AGAP1: variants seen among roughly 807,000 people sequenced by gnomAD.
The protein encoded by AGAP1 is ArfGAP with GTPase domain, ankyrin repeat and PH domain 1.
Under a neutral mutation model 105.3 loss-of-function variants are expected in AGAP1, and 29 were observed. That is an observed-to-expected ratio of 0.28 (90% CI 0.21 to 0.38). The LOEUF (loss-of-function observed/expected upper bound fraction) is 0.38, where lower values mean the gene tolerates loss of function less well. Ranked by LOEUF, AGAP1 falls within the 10% of genes least tolerant of loss-of-function variation. The pLI is 1.00. For synonymous variants in AGAP1, 509 were observed against 485.9 expected (o/e 1.05, Z -0.63); for missense variants, 998 against 1,165.1 (o/e 0.86, Z 2.09).
intron 9 of AGAP1, among the ~76,000 whole-genome samples, chr2:235,878,878 G>T (rs868255625): frequency 1.3e-5 from 2 of 152,236 alleles, no homozygotes; most frequent in African/African-American, 4.8e-5. Flanking sequence ...AGGGACTCAG[G>T]TGACAGAGGT....
intron 1 of AGAP1, among the ~76,000 whole-genome samples, chr2:235,693,117 G>T (rs927850272): frequency 1.3e-5 from 2 of 152,194 alleles, no homozygotes; most frequent in Non-Finnish European, 1.5e-5. Context: ...TTGGGAAGGA[G>T]GCTCTGGAAG....
At position 236,014,197 on chromosome 2, in the gene AGAP1, C is replaced by G. The variant is rs1461585214; in HGVS notation, c.1646-22364C>G. On this transcript the variant is annotated intron_variant, in intron 13 of 17. Coordinates refer to ENST00000304032, the MANE Select transcript of AGAP1 (RefSeq NM_001037131.3). This position sits in a 1 kb window ranked among gnomAD's most constrained non-coding sequence, Gnocchi z 6.3. ...AGCTCCATTTAGAGCCGTAACTCCC[C>G]CGAGTGTCAAAGAGAATAGACTCCT... 1.3e-5 allele frequency among the ~76,000 whole-genome samples: 2 copies of G among 152,152 alleles called. No homozygotes were observed. Among genetic ancestry groups the G allele is most frequent in the African/African-American group, 4.8e-5 (2 of 41,454 alleles).
At chr2:235,941,746 A>T (rs1334128219) in intron 12 of AGAP1, among the ~76,000 whole-genome samples, 1 of 152,160 alleles carries the variant, frequency 6.6e-6, no homozygotes, top group African/African-American at 2.4e-5. Flanking sequence ...TGGACACATC[A>T]GTTGATCCAA....
At chr2:235,652,961 C>A (rs956438863) in intron 1 of AGAP1, among the ~76,000 whole-genome samples, 3 of 152,004 alleles carry the variant, frequency 2.0e-5, no homozygotes, top group African/African-American at 7.2e-5. Flanking sequence ...GGGACAGAGC[C>A]AGACTCTGTC....
chr2:235,576,473 T>C (rs566971587), intron 1 of AGAP1, among the ~76,000 whole-genome samples: 1 of 152,338 alleles, frequency 6.6e-6, no homozygotes, highest in East Asian at 1.9e-4. Flanking sequence ...CAGGTGGTGC[T>C]TGGGGAATAT....
intron 9 of AGAP1, among the ~76,000 whole-genome samples, chr2:235,835,111 C>T (rs113501734): frequency 1.8e-4 from 27 of 152,322 alleles, no homozygotes; most frequent in African/African-American, 6.3e-4. Context: ...ACAGTAGCCT[C>T]ACTGGATGGA....
intron 1 of AGAP1, among the ~76,000 whole-genome samples, chr2:235,583,113 C>T (rs1944987942): frequency 6.6e-6 from 1 of 152,196 alleles, no homozygotes; most frequent in Non-Finnish European, 1.5e-5. Flanking sequence ...GGCTCTGGGG[C>T]ACCTCCAAGT....
chr2:235,547,201 G>A (rs952080902), intron 1 of AGAP1, among the ~76,000 whole-genome samples: 9 of 152,142 alleles, frequency 5.9e-5, no homozygotes, highest in Non-Finnish European at 1.2e-4. Flanking sequence ...TGGCCTAGCT[G>A]CTTGAGGCCC....
chr2:235,679,382 T>G (rs1367938009), intron 1 of AGAP1, among the ~76,000 whole-genome samples: 1 of 152,214 alleles, frequency 6.6e-6, no homozygotes, highest in Non-Finnish European at 1.5e-5. Context: ...TTTGCCCAGG[T>G]GGATTTCTTA....
intron 12 of AGAP1, among the ~76,000 whole-genome samples, chr2:235,949,917 A>G (rs1043818390): frequency 3.3e-5 from 5 of 152,244 alleles, no homozygotes; most frequent in Admixed American, 2.0e-4. Flanking sequence ...TCATGGATCT[A>G]GAACTAGAAA....
At chr2:235,680,719 C>T (rs2149396143) in intron 1 of AGAP1, among the ~76,000 whole-genome samples, 1 of 152,214 alleles carries the variant, frequency 6.6e-6, no homozygotes, top group Non-Finnish European at 1.5e-5. Flanking sequence ...CCTGCCTGAG[C>T]TTCTCCTTGT....
At position 235,931,592 on chromosome 2, in the gene AGAP1, C is replaced by T. The variant is rs550917112; in HGVS notation, c.1483+669C>T. The stretch of plus-strand genomic sequence containing the variant: ...AGGGTTTGCCTGTGGCGTTTTGTCT[C>T]TGGCCTGTTCACCGGTATTTAAAGG... On this transcript the variant is annotated intron_variant, in intron 12 of 17. Coordinates refer to ENST00000304032, the MANE Select transcript of AGAP1 (RefSeq NM_001037131.3). The surrounding 1 kb of genome is among the most constrained non-coding windows in gnomAD (Gnocchi z 5.6). Among the ~76,000 whole-genome samples, 1 of 152,146 alleles carries T rather than the reference C, an allele frequency of 6.6e-6. No homozygotes were observed. Among genetic ancestry groups the T allele is most frequent in the Non-Finnish European group, 1.5e-5 (1 of 68,008 alleles).
chr2:236,099,777 C>T (rs541810560), intron 16 of AGAP1, among the ~76,000 whole-genome samples: 15 of 152,274 alleles, frequency 9.9e-5, no homozygotes, highest in African/African-American at 3.1e-4. Context: ...CAGTGGCTCA[C>T]ACCTGTAAGC....
At chr2:236,018,216 G>A (rs1175277412) in intron 13 of AGAP1, among the ~76,000 whole-genome samples, 1 of 152,166 alleles carries the variant, frequency 6.6e-6, no homozygotes, top group Non-Finnish European at 1.5e-5. Context: ...AACATCTCAG[G>A]AACCTGTGAA....
In AGAP1 at chr2:235,674,433, G is replaced by A. The variant is rs34309430; in HGVS notation, c.164-34746G>A. On this transcript the variant is annotated intron_variant, in intron 1 of 17. Coordinates refer to ENST00000304032, the MANE Select transcript of AGAP1 (RefSeq NM_001037131.3). The stretch of plus-strand genomic sequence containing the variant: ...CATCCCAGTGGATGCCGTCTGGGCC[G>A]GCCCTGGAACCAGCTGTGCTGTGAG... 5.5e-3 allele frequency among the ~76,000 whole-genome samples: 835 copies of A among 152,324 alleles called. 5 individuals are homozygous for A. The highest frequency in any genetic ancestry group is 0.027 in the Middle Eastern group (8 of 294).
rs903491452 is a variant in AGAP1 at position 235,692,878 on chromosome 2, G to A, written c.164-16301G>A. On this transcript the variant is annotated intron_variant, in intron 1 of 17. Transcript: ENST00000304032. The surrounding 1 kb of genome is among the most constrained non-coding windows in gnomAD (Gnocchi z 5.8). Reference sequence around the variant, plus strand: ...CCTTGATGTGGCACTGCCTGGCTCCGGAGATAGCGAGGGAGGGAGGGAGGC... The same window carrying A: ...CCTTGATGTGGCACTGCCTGGCTCCAGAGATAGCGAGGGAGGGAGGGAGGC... Among the ~76,000 whole-genome samples the A allele has an allele frequency of 2.6e-5, 4 of 152,260 alleles. No homozygotes were observed. Among genetic ancestry groups the A allele is most frequent in the South Asian group, 4.1e-4 (2 of 4,824 alleles).
At chr2:236,039,080 G>A (rs183557500) in intron 14 of AGAP1, among the ~76,000 whole-genome samples, 21 of 152,204 alleles carry the variant, frequency 1.4e-4, no homozygotes, top group African/African-American at 4.1e-4. Flanking sequence ...TATTGTAACT[G>A]TCCTCTGAAA....
rs1399017542 is a variant in AGAP1 at position 235,611,291 on chromosome 2, T to C, written c.164-97888T>C. On this transcript the variant is annotated intron_variant, in intron 1 of 17. Transcript: ENST00000304032. The surrounding 1 kb of genome is among the most constrained non-coding windows in gnomAD (Gnocchi z 5.0). Reference sequence around the variant, plus strand: ...GCCCACACAACACTTTCGTTGGAGATGAAGAGTCTCCCTTTCAGACTGCAA... The same window carrying C: ...GCCCACACAACACTTTCGTTGGAGACGAAGAGTCTCCCTTTCAGACTGCAA... 4.6e-5 allele frequency among the ~76,000 whole-genome samples: 7 copies of C among 152,360 alleles called. No individual in the cohort carries two copies. Among genetic ancestry groups the C allele is most frequent in the Admixed American group, 3.9e-4 (6 of 15,306 alleles).
intron 16 of AGAP1, among the ~76,000 whole-genome samples, chr2:236,103,013 C>A (rs1403084394): frequency 7.4e-6 from 1 of 135,644 alleles, no homozygotes; most frequent in Non-Finnish European, 1.6e-5. Flanking sequence ...TGCCCACCCC[C>A]CACCCCCAGG....
Sources: gnomAD v4.1 joint callset for allele counts (sites outside exome capture counted in the v4.1 genomes callset) on GRCh38, gnomAD v4.1.1 for gene constraint, Gnocchi (gnomAD v3.1) non-coding constraint, MANE v1.5 for transcripts, NCBI Gene and HGNC (gene_info 2026-07-23, HGNC 2026-07-21) for gene names.